The following RSPRY1 variants were observed in gnomAD, a reference collection of about 807,000 sequenced individuals.
RSPRY1 encodes RING finger and SPRY domain-containing protein 1.
Under a neutral mutation model 73.1 loss-of-function variants are expected in RSPRY1, and 23 were observed. The ratio of observed to expected loss-of-function variants is 0.31; its 90% CI spans 0.23 to 0.45. The LOEUF is 0.45. Ranked by LOEUF, RSPRY1 falls within the 20% of genes least tolerant of loss-of-function variation. The pLI is 1.00. For missense variants in RSPRY1, 448 were observed against 698.7 expected, an observed-to-expected ratio of 0.64 and a Z score of 4.05; for synonymous variants, 226 against 251.4, an observed-to-expected ratio of 0.90 and a Z score of 0.95.
rs76072267 is a variant in RSPRY1, at chr16:57,196,334, G to T, written c.-155-8170G>T. ...AGTCTCAGTTCATTTTACTGGACAA[G>T]GAAATTAACATTTTTGACCCAAGAA... On this transcript the variant is annotated intron_variant, in intron 1 of 14. Transcript: ENST00000394420. Among the ~76,000 whole-genome samples the T allele has an allele frequency of 3.3e-3, 506 of 152,244 alleles. 1 individual carries two copies. Among genetic ancestry groups the T allele is most frequent in the African/African-American group, 0.012 (479 of 41,544 alleles).
At chr16:57,200,946 CCGG>C (rs1286853019) in intron 1 of RSPRY1, among the ~76,000 whole-genome samples, 3 of 20,718 alleles carry the variant, frequency 1.4e-4, no homozygotes, top group Non-Finnish European at 3.2e-4. Flanking sequence ...GGGCGGCTGG[CCGG>C]GGGGGGGGGG....
intron 13 of RSPRY1, among the ~76,000 whole-genome samples, chr16:57,231,837 A>G (rs979329781): frequency 3.9e-5 from 6 of 152,222 alleles, no homozygotes; most frequent in African/African-American, 1.2e-4. Context: ...ACACTGTTCC[A>G]CAACCATCAG....
intron 10 of RSPRY1, among the ~76,000 whole-genome samples, chr16:57,222,286 G>C (rs778808665): frequency 6.6e-6 from 1 of 152,180 alleles, no homozygotes; most frequent in Non-Finnish European, 1.5e-5. Flanking sequence ...TTAGAGACAG[G>C]TCTCACTGTG....
At chr16:57,194,529 A>G (rs2074405223) in intron 1 of RSPRY1, among the ~76,000 whole-genome samples, 3 of 152,200 alleles carry the variant, frequency 2.0e-5, no homozygotes, top group Admixed American at 6.5e-5. Context: ...TCAGGATGTT[A>G]CACATTTTGC....
At chr16:57,200,361 C>G (rs1347838729) in intron 1 of RSPRY1, among the ~76,000 whole-genome samples, 1 of 152,014 alleles carries the variant, frequency 6.6e-6, no homozygotes, top group Admixed American at 6.6e-5. Flanking sequence ...CACCTTTCCC[C>G]CCTTTCTATT....
At position 57,227,422 on chromosome 16, in the gene RSPRY1, T is replaced by G; in HGVS notation, c.1242T>G (p.Ser414Arg). The part of the protein sequence containing the change: ...CRQLIWYNAR[S>R]KPHIHPCWKE... ...AGCTGATTTGGTACAATGCCAGAAGTAAGCCTCACATACACCCATGCTGGA... is the reference window on the plus strand; with the variant it reads ...AGCTGATTTGGTACAATGCCAGAAGGAAGCCTCACATACACCCATGCTGGA... Residue 414 changes from serine to arginine, a missense_variant, in exon 11 of 15, where the codon AGT becomes AGG. Coordinates refer to ENST00000394420, the MANE Select transcript of RSPRY1 (RefSeq NM_133368.3). 6.2e-7 allele frequency: 1 copy of G among 1,613,996 alleles called. No homozygotes were observed. Among genetic ancestry groups the G allele is most frequent in the South Asian group, 1.1e-5 (1 of 91,078 alleles).
Position 57,213,868 on chromosome 16 carries a change from T to A in RSPRY1, c.644-20T>A, listed in dbSNP as rs766826496. 1.3e-5 allele frequency: 20 copies of A among 1,537,390 alleles called. No homozygotes were observed. The highest frequency in any genetic ancestry group is 1.7e-5 in the Admixed American group (1 of 59,798). On this transcript the variant is annotated intron_variant, in intron 5 of 14. Transcript: ENST00000394420. ...AATCTGGCATTTTAATTATATCAAG[T>A]GTTTGTTGTATTTGTCTAGGTCCTG...
chr16:57,223,633 G>A (rs1255431787), intron 10 of RSPRY1, among the ~76,000 whole-genome samples: 3 of 152,132 alleles, frequency 2.0e-5, no homozygotes, highest in Non-Finnish European at 4.4e-5. Flanking sequence ...TTAGCTGGGC[G>A]TGGTGGCGGG....
chr16:57,205,839 T>C (rs1038935574), intron 2 of RSPRY1, among the ~76,000 whole-genome samples: 3 of 152,222 alleles, frequency 2.0e-5, no homozygotes, highest in African/African-American at 7.2e-5. Flanking sequence ...ATAATGTACA[T>C]AAGGCATTCA....
Position 57,221,276 on chromosome 16 carries a change from G to A in RSPRY1, c.1022G>A (p.Arg341His). 3 of 1,613,710 alleles carry A rather than the reference G, an allele frequency of 1.9e-6. No individual in the cohort carries two copies. The highest frequency in any genetic ancestry group is 1.1e-5 in the South Asian group (1 of 91,034). ...CACATTTTTTGGTTTTGCCAGGCTC[G>A]CTGTGATGCCTCCTCTTTTGAAAGT... ...LKISPHGLEA[R>H]CDASSFESVR... The change falls in exon 10 of 15, where the codon CGC becomes CAC. Residue 341 changes from arginine (R) to histidine (H), a missense_variant. Coordinates refer to ENST00000394420, the MANE Select transcript of RSPRY1 (RefSeq NM_133368.3).
intron 1 of RSPRY1, among the ~76,000 whole-genome samples, chr16:57,188,354 A>G (rs183000600): frequency 4.6e-5 from 7 of 151,322 alleles, no homozygotes; most frequent in Admixed American, 3.3e-4. Flanking sequence ...CTGGGATGGT[A>G]TCTTGCTTTG....
chr16:57,188,098 G>A (rs150654536), intron 1 of RSPRY1, among the ~76,000 whole-genome samples: 165 of 152,306 alleles, frequency 1.1e-3, no homozygotes, highest in Non-Finnish European at 2.2e-3. Flanking sequence ...CGAATACTAT[G>A]CGTTGTTGTG....
At chr16:57,196,401 G>A (rs756178504) in intron 1 of RSPRY1, among the ~76,000 whole-genome samples, 12 of 152,106 alleles carry the variant, frequency 7.9e-5, no homozygotes, top group East Asian at 1.9e-4. Context: ...TAGTTCAGTC[G>A]GTGTGTCCTT....
At position 57,213,944 on chromosome 16, in the gene RSPRY1, C is replaced by T; in HGVS notation, c.700C>T (p.Leu234=). ...AATACTGGAATACTTGCTACAGTGTCTGGTAAGTGAGACATCAAAACTATT... is the reference window on the plus strand; with the variant it reads ...AATACTGGAATACTTGCTACAGTGTTTGGTAAGTGAGACATCAAAACTATT... ...PGILEYLLQC[L]KLQSHPTVML... Residue 234 remains leucine (L), a splice_region_variant and synonymous_variant, in exon 6 of 15, where the codon CTG becomes TTG. Coordinates refer to ENST00000394420, the MANE Select transcript of RSPRY1 (RefSeq NM_133368.3). The T allele has an allele frequency of 6.3e-7, 1 of 1,599,346 alleles. No homozygotes were observed. The highest frequency in any genetic ancestry group is 8.6e-7 in the Non-Finnish European group (1 of 1,166,586).
At position 57,205,319 on chromosome 16, in the gene RSPRY1, G is replaced by A. The variant is rs115498498; in HGVS notation, c.350+311G>A. ...TATGTTGCTAGCTACAATAGGAAATGGTTTCATGAAGGCTCACTGTTAATG... is the reference window on the plus strand; with the variant it reads ...TATGTTGCTAGCTACAATAGGAAATAGTTTCATGAAGGCTCACTGTTAATG... On this transcript the variant is annotated intron_variant, in intron 2 of 14. Transcript: ENST00000394420. 458 of 302,946 alleles carry A rather than the reference G, an allele frequency of 1.5e-3. 2 individuals carry two copies. Among genetic ancestry groups the A allele is most frequent in the African/African-American group, 8.9e-3 (421 of 47,326 alleles). 18.8% of individuals were successfully genotyped at this position (302,946 alleles called of 1,614,324 possible).
chr16:57,220,372 T>A lies in RSPRY1; in HGVS notation c.902-360T>A, dbSNP rs867289838. On this transcript the variant is annotated intron_variant, in intron 8 of 14. Coordinates refer to ENST00000394420, the MANE Select transcript of RSPRY1 (RefSeq NM_133368.3). ...TGTAGAGATCTTTCACTTCTTTGAT[T>A]AAGTTATTCCTAGGTATCTTATTTT... The A allele has an allele frequency of 2.4e-4, 40 of 167,974 alleles. No homozygotes were observed. The South Asian group carries it at 5.5e-3, about 23-fold the overall frequency. The allele number at this position is 167,974 out of a possible 1,614,324, so 10.4% of individuals were successfully genotyped here.
chr16:57,228,937 C>T (rs1372465334), intron 11 of RSPRY1, among the ~76,000 whole-genome samples: 4 of 152,222 alleles, frequency 2.6e-5, no homozygotes, highest in African/African-American at 9.6e-5. Flanking sequence ...TCAAGTGATC[C>T]ACCCAACTCT....
At chr16:57,200,934 C>A (rs1179926222) in intron 1 of RSPRY1, among the ~76,000 whole-genome samples, 1 of 81,264 alleles carries the variant, frequency 1.2e-5, no homozygotes, top group Non-Finnish European at 2.4e-5. Flanking sequence ...ACCTCCCAGA[C>A]GGGGCGGCTG....
chr16:57,213,201 C>A, intron 5 of RSPRY1, 103 bp downstream of exon 5: 1 of 1,156,532 alleles, frequency 8.6e-7, no homozygotes, highest in Non-Finnish European at 1.2e-6. Context: ...AGAAAGAAAT[C>A]TCTTAAAAAT....
Sources: gnomAD v4.1 joint callset for allele counts (sites outside exome capture counted in the v4.1 genomes callset) on GRCh38, gnomAD v4.1.1 for gene constraint, MANE v1.5 for transcripts, NCBI Gene and HGNC (gene_info 2026-07-23, HGNC 2026-07-21) for gene names.